USP54: variants seen among roughly 807,000 people sequenced by gnomAD.
USP54 encodes the protein ubiquitin specific peptidase 54.
In USP54, 87 loss-of-function variants were observed where a neutral mutation model predicts 170.5. The ratio of observed to expected loss-of-function variants is 0.51; its 90% CI spans 0.43 to 0.61. The LOEUF (loss-of-function observed/expected upper bound fraction) is 0.61. Ranked by LOEUF, USP54 falls within the 20% of genes least tolerant of loss-of-function variation. USP54 has a pLI of 0.00. For missense variants in USP54, 1,786 were observed against 2,047.8 expected (o/e 0.87, Z 2.47); for synonymous variants, 655 against 742.8 (o/e 0.88, Z 1.92).
chr10:73,562,643 T>C (rs1049661923), intron 4 of USP54, among the ~76,000 whole-genome samples: 2 of 152,248 alleles, frequency 1.3e-5, no homozygotes, highest in African/African-American at 4.8e-5. Context: ...TTCATTACTA[T>C]ATAGTGTTTT....
chr10:73,613,709 C>T (rs1424784773), intron 1 of USP54, among the ~76,000 whole-genome samples: 1 of 150,660 alleles, frequency 6.6e-6, no homozygotes, highest in Non-Finnish European at 1.5e-5. Context: ...GAAACCCCGT[C>T]TCTACTAAAA....
intron 4 of USP54, among the ~76,000 whole-genome samples, chr10:73,570,553 T>C (rs2074955056): frequency 6.8e-6 from 1 of 147,042 alleles, no homozygotes; most frequent in Non-Finnish European, 1.5e-5. Flanking sequence ...CCTTTTTCTT[T>C]TTTTTTTTTT....
At position 73,534,134 on chromosome 10, in the gene USP54, C is replaced by T. The variant is rs534226204; in HGVS notation, c.1315+466G>A. On this transcript the variant is annotated intron_variant, in intron 12 of 23. Coordinates refer to ENST00000687698, the MANE Select transcript of USP54 (RefSeq NM_001391956.1). ...CAAAACTGTGTTGCTTCTTTGTATC[C>T]CATTGAATTGCCCAAATTCTGTGCC... 1.6e-4 allele frequency among the ~76,000 whole-genome samples: 25 copies of T among 152,242 alleles called. No homozygotes were observed. In the South Asian group the frequency reaches 5.2e-3, roughly 32 times the overall value.
chr10:73,565,211 C>T (rs988596663), intron 4 of USP54, among the ~76,000 whole-genome samples: 1 of 151,818 alleles, frequency 6.6e-6, no homozygotes, highest in Non-Finnish European at 1.5e-5. Context: ...TGTTTGTTAC[C>T]ACAATATAAT....
At chr10:73,601,250 A>C (rs2079141137) in intron 1 of USP54, among the ~76,000 whole-genome samples, 1 of 152,162 alleles carries the variant, frequency 6.6e-6, no homozygotes, top group Admixed American at 6.5e-5. Context: ...TTGAAAATAA[A>C]AAAGGAGCTC....
At chr10:73,611,167 A>C (rs925791815) in intron 1 of USP54, among the ~76,000 whole-genome samples, 3 of 152,200 alleles carry the variant, frequency 2.0e-5, no homozygotes, top group African/African-American at 7.2e-5. Context: ...AATAATTCAC[A>C]AATTTATTAT....
At chr10:73,567,161 G>A (rs1021012434) in intron 4 of USP54, among the ~76,000 whole-genome samples, 13 of 152,064 alleles carry the variant, frequency 8.5e-5, no homozygotes, top group African/African-American at 3.1e-4. Flanking sequence ...TTACAGGCGT[G>A]AGCCACCACA....
intron 9 of USP54, 34 bp from the exon 10 acceptor site, chr10:73,539,627 A>G (rs1246936059): frequency 6.4e-7 from 1 of 1,558,170 alleles, no homozygotes; most frequent in Non-Finnish European, 8.7e-7. Flanking sequence ...AAGCACAGTC[A>G]CATATTCAAC....
At position 73,517,181 on chromosome 10, in the gene USP54, A is replaced by G. The variant is rs1178719002; in HGVS notation, c.3245T>C (p.Phe1082Ser). The G allele has an allele frequency of 3.1e-6, 5 of 1,614,218 alleles. No individual in the cohort carries two copies. The highest frequency in any genetic ancestry group is 1.6e-4 in the Middle Eastern group (1 of 6,062). ...CHPIMPVASSFVLHCPDPVQK... is the reference protein window; with the variant it reads ...CHPIMPVASSSVLHCPDPVQK... ...CACAGGATCAGGACAGTGAAGCACA[A>G]ATGAAGAAGCAACAGGCATTATGGG... The change falls in exon 20 of 24, where the codon TTT becomes TCT. Residue 1082 changes from phenylalanine (F) to serine (S), a missense_variant. Physicochemically the swap from Phe to Ser is radical, Grantham distance 155 (BLOSUM62 -2). Around this residue, in one of 3 missense-constraint regions of USP54, gnomAD observed 1,418 missense variants for 1,569.0 expected, o/e 0.90. Coordinates refer to ENST00000687698, the MANE Select transcript of USP54 (RefSeq NM_001391956.1).
At chr10:73,567,164 C>A (rs2074040231) in intron 4 of USP54, among the ~76,000 whole-genome samples, 1 of 151,974 alleles carries the variant, frequency 6.6e-6, no homozygotes, top group African/African-American at 2.4e-5. Flanking sequence ...CAGGCGTGAG[C>A]CACCACATCC....
chr10:73,567,995 T>C (rs1261762252), intron 4 of USP54, among the ~76,000 whole-genome samples: 1 of 152,126 alleles, frequency 6.6e-6, no homozygotes, highest in Non-Finnish European at 1.5e-5. Context: ...CTCACTTCAG[T>C]GTTGAACTCC....
At chr10:73,523,120 A>G (rs2062184157) in intron 17 of USP54, among the ~76,000 whole-genome samples, 1 of 152,210 alleles carries the variant, frequency 6.6e-6, no homozygotes, top group South Asian at 2.1e-4. Flanking sequence ...TTGAGGTTAC[A>G]GAATCAATTG....
intron 3 of USP54, among the ~76,000 whole-genome samples, chr10:73,574,725 C>T (rs555420268): frequency 6.6e-6 from 1 of 151,662 alleles, no homozygotes; most frequent in East Asian, 1.9e-4. Flanking sequence ...TGCAGTGAGC[C>T]GAGATCGCTC....
chr10:73,523,436 T>C (rs2062249318), intron 17 of USP54, 147 bp downstream of exon 17: 2 of 969,126 alleles, frequency 2.1e-6, no homozygotes, highest in Non-Finnish European at 3.0e-6. Flanking sequence ...CACATCCTAC[T>C]CTAACTTGTT....
At chr10:73,504,556 A>C in intron 22 of USP54, 1 of 436,864 alleles carries the variant, frequency 2.3e-6, no homozygotes, top group Non-Finnish European at 4.2e-6. Context: ...GTTCTGACCC[A>C]ATCAGCAGCC....
At chr10:73,546,154 G>A (rs534842938) in intron 4 of USP54, among the ~76,000 whole-genome samples, 147 of 152,146 alleles carry the variant, frequency 9.7e-4, no homozygotes, top group Non-Finnish European at 1.7e-3. Context: ...CTAATACCCA[G>A]AAATAAACAT....
intron 1 of USP54, among the ~76,000 whole-genome samples, chr10:73,586,926 A>C (rs1403774101): frequency 6.6e-6 from 1 of 152,228 alleles, no homozygotes; most frequent in East Asian, 1.9e-4. Context: ...GATAAAGGAC[A>C]AAAAGTCTTA....
chr10:73,545,690 G>C lies in USP54; in HGVS notation c.241-18C>G. On this transcript the variant is annotated intron_variant, in intron 4 of 23. Coordinates refer to ENST00000687698, the MANE Select transcript of USP54 (RefSeq NM_001391956.1). The stretch of plus-strand genomic sequence containing the variant: ...AAGATTCCCTATAGGGAAGAGGTTA[G>C]ACAAGAGAAAAAGTACAATGCTGTT... The C allele has an allele frequency of 6.2e-7, 1 of 1,611,836 alleles. No homozygotes were observed. The highest frequency in any genetic ancestry group is 8.5e-7 in the Non-Finnish European group (1 of 1,178,626).
rs183525848 is a variant in USP54, at chr10:73,563,684, G to A, written c.240+7737C>T. On this transcript the variant is annotated intron_variant, in intron 4 of 23. Transcript: ENST00000687698. ...ACTCCCGACCTCAGGAGATCTGCCC[G>A]CCTCGGCCTCCCAAAGTGCTGGGAT... Among the ~76,000 whole-genome samples, 542 of 152,222 alleles carry A rather than the reference G, an allele frequency of 3.6e-3. 3 individuals carry two copies. The highest frequency in any genetic ancestry group is 4.8e-3 in the Admixed American group (74 of 15,288).
Sources: allele counts gnomAD v4.1 joint callset (sites outside exome capture counted in the v4.1 genomes callset), GRCh38; gene constraint gnomAD v4.1.1; regional missense constraint gnomAD v4.1.1; transcripts MANE v1.5; gene names NCBI Gene and HGNC (gene_info 2026-07-23, HGNC 2026-07-21).